BRAT1: variants seen among roughly 807,000 people sequenced by gnomAD.
BRAT1 encodes the protein integrator complex assembly factor BRAT1.
Under a neutral mutation model 70.6 loss-of-function variants are expected in BRAT1, and 74 were observed. The observed-to-expected ratio is 1.05, with a 90% CI of 0.87 to 1.27. The LOEUF is 1.27. BRAT1 is among the 50% of genes most tolerant of loss of function. The pLI is 0.00. For synonymous variants in BRAT1, 615 were observed against 517.1 expected, an observed-to-expected ratio of 1.19 and a Z score of -2.57; for missense variants, 1,203 against 1,098.2, an observed-to-expected ratio of 1.10 and a Z score of -1.35.
chr7:2,552,610 G>A (rs1166868286), intron 2 of BRAT1, among the ~76,000 whole-genome samples: 1 of 151,120 alleles, frequency 6.6e-6, no homozygotes, highest in Non-Finnish European at 1.5e-5. Flanking sequence ...AAAAGAACAC[G>A]GTAAACCAAA....
At position 2,543,042 on chromosome 7, in the gene BRAT1, G is replaced by T. The variant is rs1004963660; in HGVS notation, c.923+162C>A. 5 of 789,772 alleles carry T rather than the reference G, an allele frequency of 6.3e-6. No individual in the cohort carries two copies. The highest frequency in any genetic ancestry group is 9.6e-6 in the Non-Finnish European group (5 of 519,120). 48.9% of individuals were successfully genotyped at this position (789,772 alleles called of 1,614,324 possible). ...TTCTGTTGCTAAAGAACCTTCAGAA[G>T]CTGCCGCGCGCAACCCACGCACCAC... is the stretch of plus-strand genomic sequence containing the variant. On this transcript the variant is annotated intron_variant, in intron 6 of 13. Coordinates refer to ENST00000340611, the MANE Select transcript of BRAT1 (RefSeq NM_152743.4). This position sits in a 1 kb window ranked among gnomAD's most constrained non-coding sequence, Gnocchi z 5.5.
At position 2,547,410 on chromosome 7, in the gene BRAT1, G is replaced by A; in HGVS notation, c.196C>T (p.Gln66Ter). The A allele has an allele frequency of 1.9e-6, 3 of 1,614,086 alleles. No homozygotes were observed. The highest frequency in any genetic ancestry group is 2.2e-5 in the South Asian group (2 of 91,086). The change falls in exon 3 of 14, where the codon CAG (glutamine) becomes TAG (stop). Residue 66 changes from glutamine (Q) to a stop codon, truncating the protein, a stop_gained. Transcript: ENST00000340611. LOFTEE classifies it high-confidence loss of function. Reference sequence around the variant, plus strand: ...GAGAGGACCCCAGAACTCAGGTCCTGGACTTTCAGCACATGGGACAGCAGC... The same window carrying A: ...GAGAGGACCCCAGAACTCAGGTCCTAGACTTTCAGCACATGGGACAGCAGC... ...VELLSHVLKV[Q>*]DLSSGVLSFS...
At chr7:2,552,090 A>AT (rs1485863445) in intron 2 of BRAT1, among the ~76,000 whole-genome samples, 2 of 17,028 alleles carry the variant, frequency 1.2e-4, no homozygotes, top group African/African-American at 5.4e-4. Context: ...AAATATATAT[A>AT]TATATATATA....
chr7:2,554,438 G>T lies in BRAT1; in HGVS notation c.-7C>A. On this transcript the variant is annotated 5_prime_UTR_variant, in exon 2 of 14. Coordinates refer to ENST00000340611, the MANE Select transcript of BRAT1 (RefSeq NM_152743.4). ...GGGCGCATTCTGGGTCCATGGTGAG[G>T]CCGCAGGCCCTGCAAAGGCAATGTG... 1 of 1,612,168 alleles carries T rather than the reference G, an allele frequency of 6.2e-7. No homozygotes were observed. The highest frequency in any genetic ancestry group is 8.5e-7 in the Non-Finnish European group (1 of 1,179,470).
chr7:2,553,127 G>A (rs954714979), intron 2 of BRAT1, among the ~76,000 whole-genome samples: 1 of 151,986 alleles, frequency 6.6e-6, no homozygotes, highest in Non-Finnish European at 1.5e-5. Context: ...CCGCTTCCTG[G>A]GTTCAAGCGA....
rs779927413 is a variant in BRAT1, at chr7:2,539,545, T to C, written c.1596A>G (p.Gly532=). ...GCCCCTCCACCTGCCAGCACTCACC[T>C]CCCCAGTGCCTGCTCAGCTGGGTCA... ...EFLTQLSRHW[G]GQADFRCALL... The change falls in exon 12 of 14, where the codon GGA becomes GGG. Residue 532 remains glycine, a splice_region_variant and synonymous_variant. Coordinates refer to ENST00000340611, the MANE Select transcript of BRAT1 (RefSeq NM_152743.4). 1 of 1,557,186 alleles carries C rather than the reference T, an allele frequency of 6.4e-7. No individual in the cohort carries two copies. Among genetic ancestry groups the C allele is most frequent in the South Asian group, 1.2e-5 (1 of 84,782 alleles).
In BRAT1 at chr7:2,541,391, T is replaced by C. The variant is rs776853436; in HGVS notation, c.1228A>G (p.Ser410Gly). The C allele has an allele frequency of 1.5e-5, 24 of 1,605,010 alleles. No individual in the cohort carries two copies. The highest frequency in any genetic ancestry group is 1.9e-5 in the Non-Finnish European group (22 of 1,178,126). Residue 410 changes from serine to glycine, a missense_variant, in exon 9 of 14, where the codon AGT becomes GGT. Ser to Gly is a moderately conservative substitution (Grantham distance 56, BLOSUM62 0). Coordinates refer to ENST00000340611, the MANE Select transcript of BRAT1 (RefSeq NM_152743.4). The part of the protein sequence containing the change: ...LCDGSAAPAS[S>G]VGGHLCGTLA... ...GTCCCACAGAGGTGGCCCCCCACAC[T>C]GGAGGCAGGGGCAGCCGAGCCGTCA...
Position 2,543,128 on chromosome 7 carries a change from G to C in BRAT1, c.923+76C>G. 1 of 1,478,428 alleles carries C rather than the reference G, an allele frequency of 6.8e-7. No homozygotes were observed. Among genetic ancestry groups the C allele is most frequent in the Non-Finnish European group, 9.0e-7 (1 of 1,111,534 alleles). The allele number at this position is 1,478,428 out of a possible 1,614,324, so 91.6% of individuals were successfully genotyped here. On this transcript the variant is annotated intron_variant, in intron 6 of 13. Coordinates refer to ENST00000340611, the MANE Select transcript of BRAT1 (RefSeq NM_152743.4). This position sits in a 1 kb window ranked among gnomAD's most constrained non-coding sequence, Gnocchi z 5.5. The stretch of plus-strand genomic sequence containing the variant: ...GGTGTCCGGAACTCCCCTGCCATGA[G>C]GGCTGCGCTCTCAACCTCCCTGCCT...
rs1193451009 is a variant in BRAT1, at chr7:2,539,814, G to A, written c.1470C>T (p.Leu490=). 6.2e-6 allele frequency: 10 copies of A among 1,611,848 alleles called. No individual in the cohort carries two copies. In the South Asian group the frequency reaches 6.6e-5, roughly 11 times the overall value. The change falls in exon 11 of 14, where the codon CTC becomes CTT. Residue 490 remains leucine, a synonymous_variant. Coordinates refer to ENST00000340611, the MANE Select transcript of BRAT1 (RefSeq NM_152743.4). ...SSPKTPGCSD[L]GPLIPQFLRE... ...TGAGGAACTGCGGGATGAGGGGGCC[G>A]AGATCAGAGCAGCCGGGGGTCTTGG...
rs1377860852 is a variant in BRAT1 at position 2,537,843 on chromosome 7, A to T, written c.*226T>A. ...CAGATCATTATTATTAAATTAACTC[A>T]AAAAGGGTTAAAGAAAGACTTCAAT... On this transcript the variant is annotated 3_prime_UTR_variant, in exon 14 of 14. Transcript: ENST00000340611. 1 of 639,420 alleles carries T rather than the reference A, an allele frequency of 1.6e-6. No homozygotes were observed. Among genetic ancestry groups the T allele is most frequent in the Non-Finnish European group, 2.3e-6 (1 of 428,956 alleles). The allele number at this position is 639,420 out of a possible 1,614,324, so 39.6% of individuals were successfully genotyped here. A position where few individuals can be genotyped will look rare whatever the true frequency, so the allele number is the denominator to read the frequency against.
intron 2 of BRAT1, among the ~76,000 whole-genome samples, chr7:2,549,260 A>C (rs1474279647): frequency 6.6e-6 from 1 of 152,082 alleles, no homozygotes; most frequent in Non-Finnish European, 1.5e-5. Flanking sequence ...CGAGGTGGGC[A>C]GATTGCCTGA....
At chr7:2,552,108 T>A (rs865800575) in intron 2 of BRAT1, among the ~76,000 whole-genome samples, 182 of 14,128 alleles carry the variant, frequency 0.013, no homozygotes, top group African/African-American at 0.024. Flanking sequence ...ATATATATAT[T>A]TTTTTTTTTT....
chr7:2,540,744 G>A (rs1405809566), intron 10 of BRAT1: 2 of 427,536 alleles, frequency 4.7e-6, no homozygotes, highest in East Asian at 7.2e-5. Flanking sequence ...CCTGACCAGT[G>A]CCCCTGCTCC....
intron 9 of BRAT1, 104 bp from the exon 10 acceptor site, chr7:2,541,156 C>T (rs866269287): frequency 3.5e-6 from 5 of 1,444,574 alleles, no homozygotes; most frequent in Admixed American, 2.8e-5. Context: ...CAGCTGAAAC[C>T]TCCTGCACGG....
chr7:2,543,745 C>G lies in BRAT1; in HGVS notation c.648G>C (p.Gln216His), dbSNP rs1047466504. 1.2e-6 allele frequency: 2 copies of G among 1,602,816 alleles called. No individual in the cohort carries two copies. The highest frequency in any genetic ancestry group is 2.7e-5 in the African/African-American group (2 of 74,758). ...LCSAATPKVT[Q>H]ALNVLTTTFG... ...AGGTCGTGGTCAGGACGTTCAGGGC[C>G]TGAGTGACCTTGGGGGTGGCCGCGG... The change falls in exon 5 of 14, where the codon CAG (glutamine) becomes CAC (histidine). Residue 216 changes from glutamine (Q) to histidine (H), a missense_variant. Coordinates refer to ENST00000340611, the MANE Select transcript of BRAT1 (RefSeq NM_152743.4). The surrounding 1 kb of genome is among the most constrained non-coding windows in gnomAD (Gnocchi z 5.5).
chr7:2,538,406 TCAAA>T lies in BRAT1; in HGVS notation c.2125_2128del (p.Phe709ThrfsTer17), dbSNP rs763527391. 81 of 1,613,342 alleles carry T rather than the reference TCAAA, an allele frequency of 5.0e-5. No individual in the cohort carries two copies. Among genetic ancestry groups the T allele is most frequent in the Non-Finnish European group, 6.4e-5 (75 of 1,179,936 alleles). ...CTTCTGCGCCACAGGGCGGTCGCAG[TCAAA>T]CAAGGCACAAAAGGCGAAGTCAAAG... is the stretch of plus-strand genomic sequence containing the variant. On this transcript the variant is annotated frameshift_variant, in exon 14 of 14. Transcript: ENST00000340611. LOFTEE classifies it low-confidence loss of function (END_TRUNC).
rs773577118 is a variant in BRAT1, at chr7:2,543,513, A to G, written c.803+77T>C. The G allele has an allele frequency of 6.7e-7, 1 of 1,488,136 alleles. No homozygotes were observed. Among genetic ancestry groups the G allele is most frequent in the Admixed American group, 2.3e-5 (1 of 42,636 alleles). The allele number at this position is 1,488,136 out of a possible 1,614,324, so 92.2% of individuals were successfully genotyped here. On this transcript the variant is annotated intron_variant, in intron 5 of 13. Transcript: ENST00000340611. The surrounding 1 kb of genome is among the most constrained non-coding windows in gnomAD (Gnocchi z 5.5). ...TGTCCTCAGAGAGTCTCCGGCTGCC[A>G]GTGGGACATCCCTGGGCGTTATCCG...
chr7:2,554,240 C>T (rs1175473124), intron 2 of BRAT1, 65 bp downstream of exon 2: 5 of 1,585,554 alleles, frequency 3.2e-6, no homozygotes, highest in Non-Finnish European at 4.3e-6. Context: ...CTGGCCCCTG[C>T]TCCCTGTCCC....
intron 7 of BRAT1, 99 bp downstream of exon 7, chr7:2,542,021 G>C: frequency 7.9e-7 from 1 of 1,269,404 alleles, no homozygotes; most frequent in Non-Finnish European, 1.1e-6. Context: ...TGTGATTAAA[G>C]TGGGGCGGGG....
Sources: gnomAD v4.1 joint callset for allele counts (sites outside exome capture counted in the v4.1 genomes callset) on GRCh38, gnomAD v4.1.1 for gene constraint, Gnocchi (gnomAD v3.1) non-coding constraint, MANE v1.5 for transcripts, NCBI Gene and HGNC (gene_info 2026-07-23, HGNC 2026-07-21) for gene names.